RIT2: variants seen among roughly 807,000 people sequenced by gnomAD.
The protein encoded by RIT2 is GTP-binding protein Rit2.
Under a neutral mutation model 23.7 loss-of-function variants are expected in RIT2, and 24 were observed. That is an observed-to-expected ratio of 1.01 (90% CI 0.73 to 1.43). The LOEUF is 1.43. Ranked by LOEUF, RIT2 falls within the 40% of genes most tolerant of loss-of-function variation. The probability of loss-of-function intolerance (pLI) is 0.00; values close to 1 mark genes in which losing one functional copy is unlikely to be tolerated. For synonymous variants in RIT2, 107 were observed against 91.1 expected (o/e 1.17, Z -0.99); for missense variants, 236 against 266.9 (o/e 0.88, Z 0.81).
At chr18:42,764,998 A>C (rs551646366) in intron 4 of RIT2, among the ~76,000 whole-genome samples, 1 of 152,328 alleles carries the variant, frequency 6.6e-6, no homozygotes, top group East Asian at 1.9e-4. Context: ...TTAGGCACTC[A>C]GTATATCCTT....
chr18:42,997,424 A>G (rs1056470214), intron 2 of RIT2, among the ~76,000 whole-genome samples: 1 of 152,104 alleles, frequency 6.6e-6, no homozygotes, highest in Non-Finnish European at 1.5e-5. Flanking sequence ...AAAAGAAAAA[A>G]AACAAAAAAA....
At chr18:43,020,687 G>T (rs1489532552) in intron 2 of RIT2, among the ~76,000 whole-genome samples, 1 of 152,002 alleles carries the variant, frequency 6.6e-6, no homozygotes, top group Non-Finnish European at 1.5e-5. Context: ...AAGCAAAATG[G>T]AGCACCCAGA....
chr18:42,996,754 AG>A (rs1910994108), intron 2 of RIT2, among the ~76,000 whole-genome samples: 1 of 152,100 alleles, frequency 6.6e-6, no homozygotes. Flanking sequence ...GGTGATTAAA[AG>A]CTTTATTGCT....
At chr18:42,775,698 AAAATAAATAAAT>A (rs35398594) in intron 4 of RIT2, among the ~76,000 whole-genome samples, 4 of 148,010 alleles carry the variant, frequency 2.7e-5, no homozygotes, top group East Asian at 2.0e-4. Flanking sequence ...CTCCATCTCA[AAAATAAATAAAT>A]AAATAAATAA....
In RIT2 at chr18:42,984,682, T is replaced by G. The variant is rs574123863; in HGVS notation, c.161-10535A>C. On this transcript the variant is annotated intron_variant, in intron 2 of 4. Transcript: ENST00000326695. ...ACGTGAAATTATAATTATCTAAAAC[T>G]AAAAAGTTTAATTAAAAATATCAGT... Among the ~76,000 whole-genome samples the G allele has an allele frequency of 5.7e-4, 87 of 152,162 alleles. 4 individuals are homozygous for G. In the South Asian group the frequency reaches 0.018, roughly 31 times the overall value.
At chr18:42,788,235 T>C (rs2143942040) in intron 4 of RIT2, among the ~76,000 whole-genome samples, 1 of 152,292 alleles carries the variant, frequency 6.6e-6, no homozygotes, top group East Asian at 1.9e-4. Flanking sequence ...TATTTGCTAA[T>C]ATATTGTTTA....
chr18:43,031,144 G>A (rs1239930391), intron 2 of RIT2, among the ~76,000 whole-genome samples: 1 of 151,424 alleles, frequency 6.6e-6, no homozygotes, highest in South Asian at 2.1e-4. Flanking sequence ...GTCTTGTCTC[G>A]GTGCCTATAC....
intron 2 of RIT2, among the ~76,000 whole-genome samples, chr18:43,002,874 A>T (rs1911140446): frequency 6.6e-6 from 1 of 151,978 alleles, no homozygotes; most frequent in African/African-American, 2.4e-5. Flanking sequence ...ATTATTCAGG[A>T]TTATCCAGGT....
Position 42,888,566 on chromosome 18 carries a change from C to A in RIT2, c.426+35006G>T, listed in dbSNP as rs567103263. 2.6e-5 allele frequency among the ~76,000 whole-genome samples: 4 copies of A among 151,190 alleles called. No homozygotes were observed. In the East Asian group the frequency reaches 5.8e-4, roughly 22 times the overall value. ...TTTTAAATAATAGCCTGGGTATATA[C>A]CCAAAAGAAAATAAATCACTCTACC... On this transcript the variant is annotated intron_variant, in intron 4 of 4. Coordinates refer to ENST00000326695, the MANE Select transcript of RIT2 (RefSeq NM_002930.4).
At chr18:43,016,862 T>C (rs1158012105) in intron 2 of RIT2, among the ~76,000 whole-genome samples, 2 of 151,932 alleles carry the variant, frequency 1.3e-5, no homozygotes, top group Non-Finnish European at 2.9e-5. Flanking sequence ...CAGAATGTTG[T>C]CCTCCTTAGT....
intron 4 of RIT2, among the ~76,000 whole-genome samples, chr18:42,750,342 A>G (rs1158789546): frequency 1.3e-5 from 2 of 151,822 alleles, no homozygotes. Context: ...ACCTTTAATA[A>G]TCTTCCATTA....
At chr18:43,108,387 C>T (rs2144249487) in intron 1 of RIT2, among the ~76,000 whole-genome samples, 1 of 151,946 alleles carries the variant, frequency 6.6e-6, no homozygotes, top group South Asian at 2.1e-4. Flanking sequence ...AGTTTTCTCA[C>T]TTATAAAACG....
intron 1 of RIT2, among the ~76,000 whole-genome samples, chr18:43,104,780 C>T (rs1475385316): frequency 6.6e-6 from 1 of 152,096 alleles, no homozygotes; most frequent in African/African-American, 2.4e-5. Context: ...AAAAGATGTG[C>T]CCTTTTGCTA....
intron 4 of RIT2, among the ~76,000 whole-genome samples, chr18:42,797,708 C>A (rs1396774850): frequency 1.3e-5 from 2 of 151,950 alleles, no homozygotes; most frequent in East Asian, 1.9e-4. Flanking sequence ...CCTCATTAGC[C>A]GAGTTCGACA....
chr18:42,859,436 G>A (rs779682806), intron 4 of RIT2, among the ~76,000 whole-genome samples: 13 of 152,076 alleles, frequency 8.5e-5, no homozygotes, highest in Non-Finnish European at 1.3e-4. Flanking sequence ...AGTGTTCTTT[G>A]TGTAGCCTGG....
At chr18:42,815,595 C>T (rs1330472202) in intron 4 of RIT2, among the ~76,000 whole-genome samples, 1 of 152,052 alleles carries the variant, frequency 6.6e-6, no homozygotes, top group Non-Finnish European at 1.5e-5. Context: ...AGTATGTATG[C>T]AGAATTGAGA....
At chr18:42,854,589 G>T (rs758179251) in intron 4 of RIT2, among the ~76,000 whole-genome samples, 1 of 152,060 alleles carries the variant, frequency 6.6e-6, no homozygotes, top group Non-Finnish European at 1.5e-5. Flanking sequence ...CTTTGGAACC[G>T]AAACAAACAT....
chr18:43,003,986 C>T (rs1911169398), intron 2 of RIT2, among the ~76,000 whole-genome samples: 1 of 151,726 alleles, frequency 6.6e-6, no homozygotes, highest in Non-Finnish European at 1.5e-5. Flanking sequence ...TTTCTGTACT[C>T]TATTCAAAAA....
intron 4 of RIT2, among the ~76,000 whole-genome samples, chr18:42,806,267 G>A (rs944214124): frequency 8.6e-5 from 13 of 151,756 alleles, no homozygotes; most frequent in Middle Eastern, 3.4e-3. Flanking sequence ...TCAAGAGTTC[G>A]AGACCAGCCT....
Sources: allele counts gnomAD v4.1 joint callset (sites outside exome capture counted in the v4.1 genomes callset), GRCh38; gene constraint gnomAD v4.1.1; transcripts MANE v1.5; gene names NCBI Gene and HGNC (gene_info 2026-07-23, HGNC 2026-07-21).